DSCAM: variants seen among roughly 807,000 people sequenced by gnomAD.
The protein encoded by DSCAM is cell adhesion molecule DSCAM.
Under a neutral mutation model 217.7 loss-of-function variants are expected in DSCAM, and 47 were observed. The ratio of observed to expected loss-of-function variants is 0.22; its 90% CI spans 0.17 to 0.28. DSCAM has a LOEUF of 0.28. DSCAM is among the 10% of genes least tolerant of loss of function. The probability of loss-of-function intolerance (pLI) is 1.00; values close to 1 mark genes in which losing one functional copy is unlikely to be tolerated. For missense variants in DSCAM, 2,080 were observed against 2,618.3 expected, an observed-to-expected ratio of 0.79 and a Z score of 4.49; for synonymous variants, 1,056 against 1,015.3, an observed-to-expected ratio of 1.04 and a Z score of -0.76.
intron 3 of DSCAM, among the ~76,000 whole-genome samples, chr21:40,434,383 G>A (rs1438152962): frequency 1.3e-5 from 2 of 151,294 alleles, no homozygotes; most frequent in African/African-American, 2.5e-5. Context: ...CAGTGTCTTA[G>A]AGTTAAACAA....
intron 3 of DSCAM, among the ~76,000 whole-genome samples, chr21:40,417,725 C>T (rs1374260149): frequency 2.0e-5 from 3 of 152,040 alleles, no homozygotes; most frequent in East Asian, 1.9e-4. Flanking sequence ...AAATTATAAT[C>T]GTTGTGCTTA....
intron 1 of DSCAM, among the ~76,000 whole-genome samples, chr21:40,816,340 G>A (rs532998584): frequency 7.9e-5 from 12 of 152,226 alleles, no homozygotes; most frequent in African/African-American, 2.9e-4. Flanking sequence ...GGTGACCTTG[G>A]GAGGCCAAAG....
At chr21:40,216,796 G>A (rs568860228) in intron 11 of DSCAM, among the ~76,000 whole-genome samples, 6 of 152,352 alleles carry the variant, frequency 3.9e-5, no homozygotes, top group Non-Finnish European at 5.9e-5. Context: ...GGCAGCCACT[G>A]CCCTACCTCC....
chr21:40,071,570 C>T (rs539197478), intron 27 of DSCAM, among the ~76,000 whole-genome samples: 1 of 152,340 alleles, frequency 6.6e-6, no homozygotes. Flanking sequence ...CACCTAATCA[C>T]TCTAAAAACA....
intron 8 of DSCAM, among the ~76,000 whole-genome samples, chr21:40,318,558 G>A (rs1423315940): frequency 6.6e-6 from 1 of 152,216 alleles, no homozygotes; most frequent in African/African-American, 2.4e-5. Flanking sequence ...TACGGTCCTC[G>A]CGCCAACTCT....
chr21:40,571,371 A>T (rs1356182588), intron 3 of DSCAM, among the ~76,000 whole-genome samples: 1 of 152,198 alleles, frequency 6.6e-6, no homozygotes, highest in Non-Finnish European at 1.5e-5. Flanking sequence ...CCTTGATTTG[A>T]TCTTTACACT....
chr21:40,256,446 CAG>C (rs994201836), intron 11 of DSCAM, among the ~76,000 whole-genome samples: 2 of 146,462 alleles, frequency 1.4e-5, no homozygotes, highest in African/African-American at 5.3e-5. Context: ...GAGACACACA[CAG>C]ACAGACACAC....
intron 1 of DSCAM, among the ~76,000 whole-genome samples, chr21:40,737,038 CAGAA>C (rs2091070935): frequency 6.6e-6 from 1 of 152,120 alleles, no homozygotes; most frequent in African/African-American, 2.4e-5. Context: ...TGATTTCAAT[CAGAA>C]AGCAAGTTGA....
intron 16 of DSCAM, among the ~76,000 whole-genome samples, chr21:40,161,913 G>A (rs1229676390): frequency 6.6e-6 from 1 of 152,046 alleles, no homozygotes; most frequent in African/African-American, 2.4e-5. Flanking sequence ...AGGAAAAAAG[G>A]GTGTCTACTC....
intron 27 of DSCAM, among the ~76,000 whole-genome samples, chr21:40,063,950 G>C (rs12627061): frequency 0.15 from 23,057 of 151,938 alleles, 2,114 homozygotes; most frequent in East Asian, 0.35. Context: ...TGCACAGATG[G>C]GTTCAGCCTG....
At chr21:40,263,375 T>C (rs1387851230) in intron 11 of DSCAM, among the ~76,000 whole-genome samples, 1 of 152,290 alleles carries the variant, frequency 6.6e-6, no homozygotes, top group East Asian at 1.9e-4. Context: ...CAGACCACAG[T>C]GGAATAAAAC....
chr21:40,533,239 T>A (rs8132132), intron 3 of DSCAM, among the ~76,000 whole-genome samples: 1,602 of 152,346 alleles, frequency 0.011, 30 homozygotes, highest in African/African-American at 0.034. Context: ...ATGTGTGTGA[T>A]GAATCCAGGC....
intron 16 of DSCAM, among the ~76,000 whole-genome samples, chr21:40,152,390 T>C (rs1324038072): frequency 6.6e-6 from 1 of 152,230 alleles, no homozygotes; most frequent in Non-Finnish European, 1.5e-5. Context: ...AAAGATTGTT[T>C]TTCCCATGTT....
chr21:40,622,936 A>G (rs2089542013), intron 3 of DSCAM, among the ~76,000 whole-genome samples: 1 of 152,178 alleles, frequency 6.6e-6, no homozygotes, highest in Non-Finnish European at 1.5e-5. Flanking sequence ...AATTGGACCT[A>G]ATAAACAAAC....
rs181317733 is a variant in DSCAM at position 40,468,400 on chromosome 21, G to A, written c.509-99155C>T. Among the ~76,000 whole-genome samples, 102 of 152,250 alleles carry A rather than the reference G, an allele frequency of 6.7e-4. 1 individual carries two copies. Among genetic ancestry groups the A allele is most frequent in the African/African-American group, 2.3e-3 (97 of 41,532 alleles). The stretch of plus-strand genomic sequence containing the variant: ...CAGAGAGAGGAGGAAGAGAAGGAGC[G>A]AGAAGAGAAAGGAAGAGAAATACAC... On this transcript the variant is annotated intron_variant, in intron 3 of 32. Transcript: ENST00000400454.
At chr21:40,552,966 AT>A (rs35702988) in intron 3 of DSCAM, among the ~76,000 whole-genome samples, 85,923 of 152,012 alleles carry the variant, frequency 0.57, 24,635 homozygotes, top group South Asian at 0.62. Flanking sequence ...CAGCTTTCTA[AT>A]TTTTTTAAGA....
Position 40,256,536 on chromosome 21 carries a change from C to T in DSCAM, c.2356+19561G>A, listed in dbSNP as rs117960275. On this transcript the variant is annotated intron_variant, in intron 11 of 32. Coordinates refer to ENST00000400454, the MANE Select transcript of DSCAM (RefSeq NM_001389.5). ...GTGGGCTAGTAAGTCTAAAATTTGC[C>T]GGGCCAGCCAGCAGGCTGTACCCAG... 1.9e-3 allele frequency among the ~76,000 whole-genome samples: 287 copies of T among 152,222 alleles called. 3 individuals carry two copies. In the East Asian group the frequency reaches 0.038, roughly 20 times the overall value.
At chr21:40,707,166 T>C (rs988498048) in intron 2 of DSCAM, among the ~76,000 whole-genome samples, 10 of 152,228 alleles carry the variant, frequency 6.6e-5, no homozygotes, top group African/African-American at 2.4e-4. Flanking sequence ...ATGGAGCTGT[T>C]TGAAATTCTA....
intron 11 of DSCAM, among the ~76,000 whole-genome samples, chr21:40,224,029 G>A (rs2091310892): frequency 2.0e-5 from 3 of 152,198 alleles, no homozygotes; most frequent in Admixed American, 6.5e-5. Flanking sequence ...GAAGCAAAAT[G>A]AATTTCTCAA....
Sources: gnomAD v4.1 joint callset for allele counts (sites outside exome capture counted in the v4.1 genomes callset) on GRCh38, gnomAD v4.1.1 for gene constraint, MANE v1.5 for transcripts, NCBI Gene and HGNC (gene_info 2026-07-23, HGNC 2026-07-21) for gene names.